COPS3: variants seen among roughly 807,000 people sequenced by gnomAD.
COPS3 encodes COP9 signalosome subunit 3.
COPS3 carries 10 observed loss-of-function variants against 58.2 expected under a neutral mutation model. That is an observed-to-expected ratio of 0.17 (90% CI 0.11 to 0.29). The LOEUF (loss-of-function observed/expected upper bound fraction) is 0.29, where lower values mean the gene tolerates loss of function less well. Ranked by LOEUF, COPS3 falls within the 10% of genes least tolerant of loss-of-function variation. The pLI is 1.00. For synonymous variants in COPS3, 187 were observed against 181.7 expected, an observed-to-expected ratio of 1.03 and a Z score of -0.24; for missense variants, 333 against 510.1, an observed-to-expected ratio of 0.65 and a Z score of 3.34.
intron 2 of COPS3, among the ~76,000 whole-genome samples, chr17:17,274,416 A>ATCAGATAATATCCAT (rs2048415534): frequency 6.7e-6 from 1 of 149,234 alleles, no homozygotes. Context: ...AGAAATTATG[A>ATCAGATAATATCCAT]TTAGCTTTTC....
chr17:17,281,022 G>A (rs1441972896), intron 1 of COPS3, 110 bp downstream of exon 1: 2 of 1,268,244 alleles, frequency 1.6e-6, no homozygotes, highest in African/African-American at 3.0e-5. Context: ...CGGCCCCGGA[G>A]AAGAGTCTCA....
At chr17:17,255,492 A>AAAAAAAAAG (rs1025699699) in intron 8 of COPS3, among the ~76,000 whole-genome samples, 2 of 151,462 alleles carry the variant, frequency 1.3e-5, no homozygotes, top group Non-Finnish European at 2.9e-5. Context: ...TTTCAAAAAA[A>AAAAAAAAAG]AAAGTGTACA....
At chr17:17,279,993 A>T (rs1257922685) in intron 1 of COPS3, among the ~76,000 whole-genome samples, 1 of 152,162 alleles carries the variant, frequency 6.6e-6, no homozygotes, top group African/African-American at 2.4e-5. Flanking sequence ...GGCCGGGCGC[A>T]GTGGCTCACG....
At chr17:17,260,515 C>T (rs1236474183) in intron 7 of COPS3, 41 bp from the exon 8 acceptor site, 2 of 1,599,830 alleles carry the variant, frequency 1.3e-6, no homozygotes, top group African/African-American at 2.7e-5. Flanking sequence ...ATTAAAACTT[C>T]AGAAGAGGCC....
chr17:17,279,124 T>A (rs1295329607), intron 1 of COPS3, among the ~76,000 whole-genome samples: 1 of 152,166 alleles, frequency 6.6e-6, no homozygotes, highest in Non-Finnish European at 1.5e-5. Flanking sequence ...TCCGCCCGCC[T>A]CGGCCTCCCA....
chr17:17,280,667 A>T, intron 1 of COPS3: 1 of 1,305,696 alleles, frequency 7.7e-7, no homozygotes. Context: ...GGCAGAGGCG[A>T]GCCATAGAGC....
intron 2 of COPS3, among the ~76,000 whole-genome samples, chr17:17,274,712 T>G (rs190244070): frequency 1.2e-3 from 185 of 152,024 alleles, no homozygotes; most frequent in Non-Finnish European, 2.3e-3. Context: ...TGTAAGCCAC[T>G]GTGTCTGGCC....
intron 1 of COPS3, among the ~76,000 whole-genome samples, chr17:17,280,236 C>A (rs915262005): frequency 1.3e-5 from 2 of 152,170 alleles, no homozygotes; most frequent in African/African-American, 2.4e-5. Context: ...CATGGTGAAA[C>A]CCTGTCTCTA....
intron 2 of COPS3, among the ~76,000 whole-genome samples, chr17:17,271,850 A>ATATC (rs2048355528): frequency 1.4e-5 from 2 of 143,026 alleles, no homozygotes; most frequent in South Asian, 4.3e-4. Context: ...CTATATATAT[A>ATATC]TATATATACA....
At chr17:17,269,879 G>A (rs747879287) in intron 4 of COPS3, among the ~76,000 whole-genome samples, 3 of 152,150 alleles carry the variant, frequency 2.0e-5, no homozygotes, top group Non-Finnish European at 2.9e-5. Context: ...TTTCTGGGCC[G>A]GGCGTGGTGG....
intron 1 of COPS3, chr17:17,280,878 C>T (rs1413860223): frequency 9.5e-6 from 10 of 1,051,050 alleles, no homozygotes; most frequent in Non-Finnish European, 1.2e-5. Context: ...GGAAGGGGCC[C>T]AGGCCGGGGG....
intron 4 of COPS3, among the ~76,000 whole-genome samples, chr17:17,268,835 C>A (rs969229745): frequency 6.9e-6 from 1 of 145,804 alleles, no homozygotes; most frequent in Non-Finnish European, 1.5e-5. Context: ...ACAACAACAA[C>A]AACAACAACA....
chr17:17,267,027 A>T (rs984436628), intron 5 of COPS3, among the ~76,000 whole-genome samples: 5 of 150,682 alleles, frequency 3.3e-5, no homozygotes, highest in Non-Finnish European at 5.9e-5. Flanking sequence ...ATTTTAAAAA[A>T]ATGATTCGGG....
chr17:17,261,755 A>G, intron 7 of COPS3: 1 of 501,070 alleles, frequency 2.0e-6, no homozygotes, highest in South Asian at 2.3e-5. Context: ...GTAAGTATCT[A>G]GAGCACAAGT....
intron 8 of COPS3, 153 bp from the exon 9 acceptor site, chr17:17,255,098 G>A (rs1413727275): frequency 5.6e-6 from 3 of 537,400 alleles, no homozygotes; most frequent in East Asian, 6.7e-5. Context: ...CCAGGAGATT[G>A]AGACCATCTT....
Position 17,248,932 on chromosome 17 carries a change from A to C in COPS3, c.1131T>G (p.Asp377Glu), listed in dbSNP as rs1187133560. The C allele has an allele frequency of 6.4e-7, 1 of 1,572,594 alleles. No individual in the cohort carries two copies. The highest frequency in any genetic ancestry group is 8.7e-7 in the Non-Finnish European group (1 of 1,155,142). ...ACCTGGCATTCATGTTTACCTCCTGATCAATGTTATGAAGCATGGCTGGGT... is the reference window on the plus strand; with the variant it reads ...ACCTGGCATTCATGTTTACCTCCTGCTCAATGTTATGAAGCATGGCTGGGT... ...YNNPAMLHNIDQEMLKCIELD... is the reference protein window; with the variant it reads ...YNNPAMLHNIEQEMLKCIELD... The change falls in exon 10 of 12, where the codon GAT (aspartate) becomes GAG (glutamate). Residue 377 changes from aspartate to glutamate, a missense_variant. Physicochemically the swap from Asp to Glu is conservative, Grantham distance 45. Coordinates refer to ENST00000268717, the MANE Select transcript of COPS3 (RefSeq NM_003653.4).
intron 11 of COPS3, 131 bp downstream of exon 11, chr17:17,247,349 T>C (rs1037010189): frequency 5.1e-6 from 5 of 978,220 alleles, no homozygotes; most frequent in Non-Finnish European, 8.0e-6. Context: ...CAACTAGTAT[T>C]TCTCCATGAC....
At chr17:17,255,839 A>AAAATAAATAAATAAATAAATAAATAAAT (rs144619560) in intron 8 of COPS3, among the ~76,000 whole-genome samples, 23 of 127,428 alleles carry the variant, frequency 1.8e-4, no homozygotes, top group African/African-American at 5.1e-4. Flanking sequence ...ACTCCATCTC[A>AAAATAAATAAATAAATAAATAAATAAAT]AAATAAATAA....
chr17:17,256,015 A>G (rs1303992640), intron 8 of COPS3, among the ~76,000 whole-genome samples: 1 of 144,198 alleles, frequency 6.9e-6, no homozygotes, highest in African/African-American at 2.5e-5. Flanking sequence ...TAAAAATACA[A>G]AAAAAAAAAA....
Sources: allele counts gnomAD v4.1 joint callset (sites outside exome capture counted in the v4.1 genomes callset), GRCh38; gene constraint gnomAD v4.1.1; transcripts MANE v1.5; gene names NCBI Gene and HGNC (gene_info 2026-07-23, HGNC 2026-07-21).